The following C2CD3 variants were observed in gnomAD, a reference collection of about 807,000 sequenced individuals.
The protein encoded by C2CD3 is C2 domain-containing protein 3.
In C2CD3, 148 loss-of-function variants were observed where a neutral mutation model predicts 234.0. That is an observed-to-expected ratio of 0.63 (90% CI 0.55 to 0.72). The LOEUF is 0.72. Ranked by LOEUF, C2CD3 falls within the 30% of genes least tolerant of loss-of-function variation. C2CD3 has a pLI of 0.00. For missense variants in C2CD3, 2,577 were observed against 2,811.5 expected (o/e 0.92, Z 1.89); for synonymous variants, 1,000 against 1,035.4 (o/e 0.97, Z 0.66).
At chr11:74,020,456 C>G (rs1248592608) in intron 32 of C2CD3, among the ~76,000 whole-genome samples, 1 of 152,252 alleles carries the variant, frequency 6.6e-6, no homozygotes, top group Non-Finnish European at 1.5e-5. Context: ...TCTTTCTTTT[C>G]CTATACTCAT....
intron 11 of C2CD3, chr11:74,113,533 A>G (rs1956815122): frequency 6.9e-6 from 3 of 435,030 alleles, no homozygotes; most frequent in Non-Finnish European, 1.3e-5. Context: ...TACAAAAATT[A>G]GCTGGGTGTG....
intron 24 of C2CD3, among the ~76,000 whole-genome samples, chr11:74,072,351 A>C (rs1954836266): frequency 6.6e-6 from 1 of 152,236 alleles, no homozygotes; most frequent in Non-Finnish European, 1.5e-5. Flanking sequence ...GGAATGAGAG[A>C]TAAATAATAG....
chr11:74,114,289 C>T (rs1956852613), intron 10 of C2CD3, 95 bp downstream of exon 10: 1 of 828,616 alleles, frequency 1.2e-6, no homozygotes, highest in Non-Finnish European at 2.0e-6. Flanking sequence ...TATGAAAACA[C>T]ATCCCAAATC....
chr11:74,081,221 A>G (rs1415382583), intron 22 of C2CD3, among the ~76,000 whole-genome samples: 1 of 152,184 alleles, frequency 6.6e-6, no homozygotes, highest in Non-Finnish European at 1.5e-5. Flanking sequence ...CCATCCCACA[A>G]GATAAGAAAA....
At chr11:74,093,455 G>T (rs1955976087) in intron 18 of C2CD3, among the ~76,000 whole-genome samples, 1 of 151,468 alleles carries the variant, frequency 6.6e-6, no homozygotes, top group Non-Finnish European at 1.5e-5. Flanking sequence ...AGGCCAGTTA[G>T]GAGGCTACCA....
At chr11:74,099,347 T>G (rs187842889) in intron 15 of C2CD3, among the ~76,000 whole-genome samples, 3 of 152,322 alleles carry the variant, frequency 2.0e-5, no homozygotes, top group Admixed American at 2.0e-4. Flanking sequence ...CACCCTCATT[T>G]TACAGATGAG....
rs1279564779 is a variant in C2CD3, at chr11:74,161,388, T to C, written c.483+11A>G. The C allele has an allele frequency of 4.6e-6, 7 of 1,530,204 alleles. No individual in the cohort carries two copies. Among genetic ancestry groups the C allele is most frequent in the Non-Finnish European group, 6.2e-6 (7 of 1,129,854 alleles). The allele number at this position is 1,530,204 out of a possible 1,614,324, so 94.8% of individuals were successfully genotyped here. On this transcript the variant is annotated intron_variant, in intron 3 of 32. Coordinates refer to ENST00000334126, the MANE Select transcript of C2CD3 (RefSeq NM_001286577.2). ...TATTTTATGCAGCAAATAATTAAAATATATTTTTACCTGGAGTTCTCCAAG... is the reference window on the plus strand; with the variant it reads ...TATTTTATGCAGCAAATAATTAAAACATATTTTTACCTGGAGTTCTCCAAG...
intron 4 of C2CD3, among the ~76,000 whole-genome samples, 199 bp from the exon 5 acceptor site, chr11:74,139,166 T>C (rs1451497130): frequency 6.6e-6 from 1 of 152,176 alleles, no homozygotes; most frequent in African/African-American, 2.4e-5. Flanking sequence ...TTACCTACAG[T>C]GAGGGAGTCA....
chr11:74,059,904 A>G (rs979098314), intron 24 of C2CD3, among the ~76,000 whole-genome samples: 2 of 152,174 alleles, frequency 1.3e-5, no homozygotes, highest in African/African-American at 2.4e-5. Flanking sequence ...CTGGAAAATC[A>G]GGATACTCCC....
In C2CD3 at chr11:74,085,655, T is replaced by G. The variant is rs1392348694; in HGVS notation, c.3873A>C (p.Glu1291Asp). The stretch of plus-strand genomic sequence containing the variant: ...TTTCATGATAGACAGCAAAAATAAC[T>G]TCTGCAAACTCCAACAACTCTGCTA... ...CFLAELLEFA[E>D]VIFAVYHENT... Residue 1291 changes from glutamate (E) to aspartate (D), a missense_variant, in exon 21 of 33, where the codon GAA becomes GAC. Glu to Asp is a conservative substitution (Grantham distance 45). Coordinates refer to ENST00000334126, the MANE Select transcript of C2CD3 (RefSeq NM_001286577.2). 1.9e-6 allele frequency: 3 copies of G among 1,614,030 alleles called. No individual in the cohort carries two copies. Among genetic ancestry groups the G allele is most frequent in the Non-Finnish European group, 2.5e-6 (3 of 1,180,032 alleles).
At chr11:74,153,698 A>G (rs1414228189) in intron 3 of C2CD3, among the ~76,000 whole-genome samples, 1 of 152,202 alleles carries the variant, frequency 6.6e-6, no homozygotes, top group East Asian at 1.9e-4. Context: ...TGATTCTAAT[A>G]TTTATAAGGA....
chr11:74,054,652 G>A lies in C2CD3; in HGVS notation c.5110C>T (p.Leu1704=), dbSNP rs1360929831. The A allele has an allele frequency of 6.8e-6, 11 of 1,612,400 alleles. No homozygotes were observed. Among genetic ancestry groups the A allele is most frequent in the Admixed American group, 6.7e-5 (4 of 59,812 alleles). ...QQSRLSKELL[L]DPQQTLVFKV... ...AAGACCAGGGTTTGTTGTGGGTCCAGAAGCAGCTCTTTTGATAGCCTATTA... is the reference window on the plus strand; with the variant it reads ...AAGACCAGGGTTTGTTGTGGGTCCAAAAGCAGCTCTTTTGATAGCCTATTA... Residue 1704 remains leucine, a synonymous_variant, in exon 26 of 33, where the codon CTG becomes TTG. Transcript: ENST00000334126.
In C2CD3 at chr11:74,013,430, G is replaced by C; in HGVS notation, c.7017C>G (p.Leu2339=). 7.2e-7 allele frequency: 1 copy of C among 1,386,654 alleles called. No individual in the cohort carries two copies. The highest frequency in any genetic ancestry group is 1.5e-5 in the South Asian group (1 of 66,330). 85.9% of individuals were successfully genotyped at this position (1,386,654 alleles called of 1,614,324 possible). A position where few individuals can be genotyped will look rare whatever the true frequency, so the allele number is the denominator to read the frequency against. ...GAGAAGAAAATATCCGTGCAATCCTGAGAGTTTCTTCCTCAGGCAGGTTGA... is the reference window on the plus strand; with the variant it reads ...GAGAAGAAAATATCCGTGCAATCCTCAGAGTTTCTTCCTCAGGCAGGTTGA... ...LPLNLPEEET[L]RIARIFSSQY... is the part of the protein sequence containing the mutation. Residue 2339 remains leucine, a synonymous_variant, in exon 33 of 33, where the codon CTC becomes CTG. Transcript: ENST00000334126.
intron 26 of C2CD3, among the ~76,000 whole-genome samples, chr11:74,053,737 CA>C (rs1270241315): frequency 1.3e-5 from 2 of 152,188 alleles, no homozygotes; most frequent in Admixed American, 1.3e-4. Flanking sequence ...TGATGGTTGA[CA>C]GATACAACAG....
In C2CD3 at chr11:74,167,549, G is replaced by A. The variant is rs1039073886; in HGVS notation, c.325+795C>T. ...GTTGATGTTTCAAAAATTTTTTCTC[G>A]AGAGAATGTAAGTTACTCAAGGACA... On this transcript the variant is annotated intron_variant, in intron 2 of 32. Coordinates refer to ENST00000334126, the MANE Select transcript of C2CD3 (RefSeq NM_001286577.2). 2.6e-5 allele frequency among the ~76,000 whole-genome samples: 4 copies of A among 152,092 alleles called. No homozygotes were observed. The South Asian group carries it at 8.3e-4, about 32-fold the overall frequency.
At chr11:74,142,336 G>A (rs1049334935) in intron 3 of C2CD3, 1 of 152,226 alleles carries the variant, frequency 6.6e-6, no homozygotes, top group African/African-American at 2.4e-5. Flanking sequence ...AGATGAAGAA[G>A]GCTGATATCT....
At chr11:74,144,639 T>C (rs71465909) in intron 3 of C2CD3, among the ~76,000 whole-genome samples, 1 of 152,132 alleles carries the variant, frequency 6.6e-6, no homozygotes, top group Non-Finnish European at 1.5e-5. Context: ...GTGTCTATTG[T>C]TCCTCTATTT....
chr11:74,091,036 T>C, intron 19 of C2CD3, 100 bp from the exon 20 acceptor site: 1 of 1,189,418 alleles, frequency 8.4e-7, no homozygotes. Context: ...GGATTAACAC[T>C]ACAACGAACA....
chr11:74,050,541 T>C (rs930978831), intron 26 of C2CD3, among the ~76,000 whole-genome samples: 4 of 152,242 alleles, frequency 2.6e-5, no homozygotes, highest in Admixed American at 2.6e-4. Flanking sequence ...CTCCATTCTG[T>C]ATAGTGAAAT....
Sources: gnomAD v4.1 joint callset for allele counts (sites outside exome capture counted in the v4.1 genomes callset) on GRCh38, gnomAD v4.1.1 for gene constraint, MANE v1.5 for transcripts, NCBI Gene and HGNC (gene_info 2026-07-23, HGNC 2026-07-21) for gene names.